IL1RAPL2: variants seen among roughly 807,000 people sequenced by gnomAD.
The protein encoded by IL1RAPL2 is interleukin 1 receptor accessory protein like 2.
A neutral mutation model predicts 44.1 loss-of-function variants in IL1RAPL2; 3 were observed. The observed-to-expected ratio is 0.07, with a 90% CI of 0.03 to 0.18. IL1RAPL2 has a LOEUF of 0.18. Among genes scored for constraint, IL1RAPL2 ranks in the 10% least tolerant of loss-of-function variants. The pLI is 1.00. For missense variants in IL1RAPL2, 391 were observed against 496.4 expected, an observed-to-expected ratio of 0.79 and a Z score of 2.02; for synonymous variants, 181 against 178.8, an observed-to-expected ratio of 1.01 and a Z score of -0.10.
chrX:104,609,888 C>T (rs952327264), intron 1 of IL1RAPL2, among the ~76,000 whole-genome samples: 12 of 111,487 alleles, frequency 1.1e-4, no homozygotes, highest in African/African-American at 3.3e-4. Context: ...AGTTTTGTTC[C>T]CTTGCTGGAG....
chrX:105,335,202 C>G (rs1019884806), intron 5 of IL1RAPL2, among the ~76,000 whole-genome samples: 2 of 111,350 alleles, frequency 1.8e-5, no homozygotes, highest in Non-Finnish European at 3.8e-5. Context: ...GCCCTTGATG[C>G]CCTTGTCCTT....
At chrX:104,634,094 G>C (rs777442928) in intron 1 of IL1RAPL2, among the ~76,000 whole-genome samples, 2 of 111,369 alleles carry the variant, frequency 1.8e-5, no homozygotes, top group African/African-American at 6.5e-5. Flanking sequence ...CCTTCATTTC[G>C]TTATGTAGCC....
At chrX:105,635,434 G>C (rs2037516491) in intron 6 of IL1RAPL2, among the ~76,000 whole-genome samples, 1 of 111,704 alleles carries the variant, frequency 9.0e-6, no homozygotes, top group African/African-American at 3.3e-5. Flanking sequence ...TGACAGTATG[G>C]TGGGTGCCAC....
At chrX:105,449,808 T>TTTCC (rs774599803) in intron 5 of IL1RAPL2, among the ~76,000 whole-genome samples, 55 of 111,692 alleles carry the variant, frequency 4.9e-4, no homozygotes, top group Non-Finnish European at 9.2e-4. Context: ...ACTCGTTCCT[T>TTTCC]TTCCTTACTT....
intron 6 of IL1RAPL2, among the ~76,000 whole-genome samples, chrX:105,631,785 T>C (rs1003869834): frequency 2.7e-5 from 3 of 111,845 alleles, no homozygotes; most frequent in African/African-American, 9.7e-5. Flanking sequence ...TTGTCCTTTT[T>C]CCTTCCTTCA....
chrX:105,067,280 A>G (rs1295578344), intron 2 of IL1RAPL2, among the ~76,000 whole-genome samples: 1 of 110,842 alleles, frequency 9.0e-6, no homozygotes, highest in Non-Finnish European at 1.9e-5. Flanking sequence ...ACACATACAG[A>G]GACCCTTTCC....
chrX:105,150,259 T>C (rs2033215654), intron 2 of IL1RAPL2, among the ~76,000 whole-genome samples: 1 of 111,805 alleles, frequency 8.9e-6, no homozygotes, highest in Admixed American at 9.5e-5. Flanking sequence ...GAGTTCAACC[T>C]TTAATTTTGG....
intron 2 of IL1RAPL2, among the ~76,000 whole-genome samples, chrX:104,818,416 T>A (rs1335022161): frequency 9.3e-6 from 1 of 107,363 alleles, no homozygotes; most frequent in Non-Finnish European, 1.9e-5. Flanking sequence ...AGGAATGTAA[T>A]CTTGGGAGAA....
At chrX:104,687,373 G>C (rs932826415) in intron 2 of IL1RAPL2, among the ~76,000 whole-genome samples, 2 of 111,162 alleles carry the variant, frequency 1.8e-5, no homozygotes. Flanking sequence ...GAAAGGAGTG[G>C]GGGGAGGTGC....
intron 5 of IL1RAPL2, among the ~76,000 whole-genome samples, chrX:105,318,922 A>G (rs1377454357): frequency 8.9e-6 from 1 of 112,229 alleles, no homozygotes; most frequent in Non-Finnish European, 1.9e-5. Context: ...ATGCAATACA[A>G]AACTCCATGG....
At position 105,675,448 on chromosome X, in the gene IL1RAPL2, T is replaced by A. The variant is rs370510610; in HGVS notation, c.773-41919T>A. ...TGGTTTTTGTCTTTAGATCTATTTA[T>A]GTGATGAATTACGTTTATTGATTTG... is the stretch of plus-strand genomic sequence containing the variant. On this transcript the variant is annotated intron_variant, in intron 6 of 10. Transcript: ENST00000372582. Among the ~76,000 whole-genome samples the A allele has an allele frequency of 2.6e-4, 29 of 112,159 alleles. 1 individual carries two copies. The East Asian group carries it at 4.5e-3, about 17-fold the overall frequency.
intron 5 of IL1RAPL2, among the ~76,000 whole-genome samples, chrX:105,396,735 A>G (rs1342383037): frequency 2.8e-5 from 3 of 108,680 alleles, no homozygotes; most frequent in African/African-American, 1.0e-4. Flanking sequence ...GGAGAGAACC[A>G]GAAAATTGAT....
At chrX:104,684,552 G>A (rs780437186) in intron 2 of IL1RAPL2, among the ~76,000 whole-genome samples, 1 of 112,424 alleles carries the variant, frequency 8.9e-6, no homozygotes, top group African/African-American at 3.2e-5. Flanking sequence ...ATTATAAAAT[G>A]TCAGAGTGGG....
intron 5 of IL1RAPL2, among the ~76,000 whole-genome samples, chrX:105,447,135 ATG>A (rs1236318622): frequency 3.5e-5 from 2 of 57,491 alleles, no homozygotes; most frequent in African/African-American, 6.7e-5. Context: ...AAATATATAT[ATG>A]AATATAAATA....
At chrX:105,558,676 T>C (rs748490196) in intron 6 of IL1RAPL2, among the ~76,000 whole-genome samples, 1 of 112,433 alleles carries the variant, frequency 8.9e-6, no homozygotes, top group South Asian at 3.6e-4. Context: ...TCAAACTTTG[T>C]GTACTTTCTA....
At chrX:105,179,901 T>A (rs1556129677) in intron 2 of IL1RAPL2, among the ~76,000 whole-genome samples, 1 of 110,967 alleles carries the variant, frequency 9.0e-6, no homozygotes, top group East Asian at 2.8e-4. Flanking sequence ...GTCTTTAGGT[T>A]TTTTTAGATA....
At chrX:104,636,135 G>A (rs1051715819) in intron 1 of IL1RAPL2, among the ~76,000 whole-genome samples, 1 of 112,011 alleles carries the variant, frequency 8.9e-6, no homozygotes, top group African/African-American at 3.2e-5. Context: ...CTGGGTATCA[G>A]CAGCGGAGGC....
chrX:105,351,012 CAT>C (rs748165098), intron 5 of IL1RAPL2, among the ~76,000 whole-genome samples: 5 of 111,835 alleles, frequency 4.5e-5, no homozygotes, highest in African/African-American at 1.6e-4. Context: ...AGCCAACAAA[CAT>C]ATGAAAAAAG....
At chrX:104,606,988 A>G (rs1929029501) in intron 1 of IL1RAPL2, among the ~76,000 whole-genome samples, 2 of 111,969 alleles carry the variant, frequency 1.8e-5, no homozygotes, top group Admixed American at 1.9e-4. Context: ...ACTTCAAACT[A>G]TACTACAAAG....
Sources: gnomAD v4.1 joint callset for allele counts (sites outside exome capture counted in the v4.1 genomes callset) on GRCh38, gnomAD v4.1.1 for gene constraint, MANE v1.5 for transcripts, NCBI Gene and HGNC (gene_info 2026-07-23, HGNC 2026-07-21) for gene names.